The following GTF2A1L variants were observed in gnomAD, a reference collection of about 807,000 sequenced individuals.
The protein encoded by GTF2A1L is TFIIA-alpha and beta-like factor.
A neutral mutation model predicts 49.7 loss-of-function variants in GTF2A1L; 48 were observed. The ratio of observed to expected loss-of-function variants is 0.97; its 90% confidence interval spans 0.77 to 1.23. The LOEUF (loss-of-function observed/expected upper bound fraction) is 1.23. Ranked by LOEUF, GTF2A1L falls within the 50% of genes most tolerant of loss-of-function variation. GTF2A1L has a pLI of 0.00. For synonymous variants in GTF2A1L, 246 were observed against 193.5 expected, an observed-to-expected ratio of 1.27 and a Z score of -2.25; for missense variants, 736 against 564.8, an observed-to-expected ratio of 1.30 and a Z score of -3.07.
At chr2:48,672,216 T>G (rs528037916) in intron 8 of GTF2A1L, among the ~76,000 whole-genome samples, 29 of 152,252 alleles carry the variant, frequency 1.9e-4, no homozygotes, top group African/African-American at 7.0e-4. Context: ...TCAGATAGAA[T>G]AGCCCAATAA....
intron 6 of GTF2A1L, among the ~76,000 whole-genome samples, chr2:48,666,768 G>A (rs1678869211): frequency 6.6e-6 from 1 of 151,882 alleles, no homozygotes; most frequent in African/African-American, 2.4e-5. Context: ...TAAAATTCTT[G>A]TTTTTCTTTT....
chr2:48,669,942 G>T lies in GTF2A1L; in HGVS notation c.1199G>T (p.Ser400Ile). ...SISNEDSATN[S>I]SDNEDPQVNI... ...TCAAATGAGGATTCAGCCACAAACA[G>T]TAGTGATAATGAAGACCCTCAAGTA... is the stretch of plus-strand genomic sequence containing the variant. Residue 400 changes from serine (S) to isoleucine (I), a missense_variant, in exon 7 of 9, where the codon AGT becomes ATT. Ser to Ile is a moderately radical substitution (Grantham distance 142). Transcript: ENST00000403751. 1 of 1,614,020 alleles carries T rather than the reference G, an allele frequency of 6.2e-7. No individual in the cohort carries two copies.
intron 6 of GTF2A1L, among the ~76,000 whole-genome samples, chr2:48,656,538 T>C (rs1359290342): frequency 6.6e-6 from 1 of 151,996 alleles, no homozygotes; most frequent in Non-Finnish European, 1.5e-5. Flanking sequence ...TTTTTTAAAA[T>C]TGGACTGTTT....
intron 6 of GTF2A1L, among the ~76,000 whole-genome samples, chr2:48,651,436 C>CTTTTTTT (rs397984530): frequency 7.6e-6 from 1 of 130,854 alleles, no homozygotes. Context: ...GTTGTGAGTT[C>CTTTTTTT]TTTTTTTTTT....
chr2:48,626,131 C>CGATA (rs1482378331), intron 3 of GTF2A1L, among the ~76,000 whole-genome samples: 1 of 143,930 alleles, frequency 6.9e-6, no homozygotes, highest in Non-Finnish European at 1.6e-5. Context: ...AGAAACTATC[C>CGATA]TTTCCCCATT....
At position 48,679,528 on chromosome 2, in the gene GTF2A1L, C is replaced by T. The variant is rs1020700153; in HGVS notation, c.*86C>T. On this transcript the variant is annotated 3_prime_UTR_variant, in exon 9 of 9. Transcript: ENST00000403751. The stretch of plus-strand genomic sequence containing the variant: ...AATTCATTTTTATTTTGAATATAGT[C>T]CAGCACAGAGCTGTTCAAATTTTTA... 2.0e-5 allele frequency: 32 copies of T among 1,564,880 alleles called. No individual in the cohort carries two copies. The highest frequency in any genetic ancestry group is 2.5e-5 in the Non-Finnish European group (29 of 1,161,096).
chr2:48,651,605 A>G (rs73931113), intron 6 of GTF2A1L, among the ~76,000 whole-genome samples: 7,248 of 152,228 alleles, frequency 0.048, 565 homozygotes, highest in African/African-American at 0.17. Context: ...CATGGCATGC[A>G]TTAGTGCTAA....
At chr2:48,643,879 A>G (rs1386250862) in intron 4 of GTF2A1L, among the ~76,000 whole-genome samples, 1 of 151,924 alleles carries the variant, frequency 6.6e-6, no homozygotes, top group African/African-American at 2.4e-5. Context: ...TTTGTATTTT[A>G]GTTGAGATGG....
chr2:48,666,615 G>T (rs997490700), intron 6 of GTF2A1L, among the ~76,000 whole-genome samples: 3 of 121,962 alleles, frequency 2.5e-5, no homozygotes, highest in Admixed American at 1.7e-4. Context: ...GTGTGTGTTT[G>T]TGTGTGTGTG....
chr2:48,674,127 C>T (rs1468910246), intron 8 of GTF2A1L, among the ~76,000 whole-genome samples: 1 of 152,194 alleles, frequency 6.6e-6, no homozygotes, highest in Non-Finnish European at 1.5e-5. Context: ...TTGGCATATA[C>T]TCAGGAGTTG....
chr2:48,618,138 C>T (rs965681210), intron 1 of GTF2A1L: 3 of 519,858 alleles, frequency 5.8e-6, no homozygotes, highest in Non-Finnish European at 1.0e-5. Flanking sequence ...TCTTTTTACC[C>T]AAACTGAGGC....
At chr2:48,655,109 G>A (rs993148447) in intron 6 of GTF2A1L, among the ~76,000 whole-genome samples, 17 of 151,972 alleles carry the variant, frequency 1.1e-4, no homozygotes, top group African/African-American at 3.1e-4. Flanking sequence ...TCACAATATT[G>A]AGTCTTCCAA....
In GTF2A1L at chr2:48,630,283, A is replaced by G. The variant is rs747596435; in HGVS notation, c.247+8993A>G. Among the ~76,000 whole-genome samples the G allele has an allele frequency of 1.0e-4, 15 of 143,862 alleles. 3 individuals are homozygous for G. Among genetic ancestry groups the G allele is most frequent in the Admixed American group, 2.1e-4 (3 of 14,168 alleles). The allele number at this position is 143,862 out of a possible 152,430, so 94.4% of individuals were successfully genotyped here. ...GTTTCTCCATTTGTTTGTGTCATCT[A>G]TGATTTCTTTCAGCAGTGTTTTGTA... On this transcript the variant is annotated intron_variant, in intron 3 of 8. Coordinates refer to ENST00000403751, the MANE Select transcript of GTF2A1L (RefSeq NM_006872.5).
intron 3 of GTF2A1L, among the ~76,000 whole-genome samples, chr2:48,631,417 T>C (rs1460555421): frequency 3.3e-5 from 5 of 152,204 alleles, no homozygotes; most frequent in African/African-American, 9.6e-5. Flanking sequence ...TATGTAGAGG[T>C]ATTCTAATAG....
At chr2:48,651,580 C>A (rs1677849399) in intron 6 of GTF2A1L, among the ~76,000 whole-genome samples, 1 of 151,998 alleles carries the variant, frequency 6.6e-6, no homozygotes, top group Non-Finnish European at 1.5e-5. Context: ...GAAAGCGTTG[C>A]TGTCTATTTC....
intron 6 of GTF2A1L, among the ~76,000 whole-genome samples, chr2:48,662,593 G>A (rs1678574807): frequency 6.6e-6 from 1 of 151,676 alleles, no homozygotes; most frequent in African/African-American, 2.4e-5. Flanking sequence ...GAGACTGGAA[G>A]GAATTCCCTC....
chr2:48,664,754 T>TAAA, intron 6 of GTF2A1L, among the ~76,000 whole-genome samples: 1 of 152,200 alleles, frequency 6.6e-6, no homozygotes, highest in African/African-American at 2.4e-5. Context: ...GATTTATCCA[T>TAAA]TTTACTTAAG....
chr2:48,640,725 C>T (rs58281776), intron 3 of GTF2A1L, among the ~76,000 whole-genome samples: 7,209 of 152,144 alleles, frequency 0.047, 567 homozygotes, highest in African/African-American at 0.17. Flanking sequence ...CTAGAACATA[C>T]ACATGAAGAC....
intron 3 of GTF2A1L, among the ~76,000 whole-genome samples, chr2:48,635,288 T>G (rs1676824493): frequency 6.6e-6 from 1 of 152,024 alleles, no homozygotes. Context: ...AGGCTGTTAA[T>G]CAAGGTGAGT....
Sources: gnomAD v4.1 joint callset for allele counts (sites outside exome capture counted in the v4.1 genomes callset) on GRCh38, gnomAD v4.1.1 for gene constraint, MANE v1.5 for transcripts, NCBI Gene and HGNC (gene_info 2026-07-23, HGNC 2026-07-21) for gene names.